TLN2: variants seen among roughly 807,000 people sequenced by gnomAD.
TLN2 encodes talin-2.
Under a neutral mutation model 294.7 loss-of-function variants are expected in TLN2, and 118 were observed. The observed-to-expected ratio is 0.40, with a 90% confidence interval of 0.34 to 0.47. The LOEUF (loss-of-function observed/expected upper bound fraction) is 0.47, where lower values mean the gene tolerates loss of function less well. TLN2 is among the 20% of genes least tolerant of loss of function. The probability of loss-of-function intolerance (pLI) is 0.84; values close to 1 mark genes in which losing one functional copy is unlikely to be tolerated. For synonymous variants in TLN2, 1,431 were observed against 1,304.5 expected, an observed-to-expected ratio of 1.10 and a Z score of -2.09; for missense variants, 3,083 against 3,282.2, an observed-to-expected ratio of 0.94 and a Z score of 1.48.
At position 62,647,206 on chromosome 15, in the gene TLN2, T is replaced by C. The variant is rs1026932149; in HGVS notation, c.-36-69T>C. The C allele has an allele frequency of 6.3e-6, 9 of 1,431,910 alleles. No homozygotes were observed. In the African/African-American group the frequency reaches 1.3e-4, roughly 20 times the overall value. The allele number at this position is 1,431,910 out of a possible 1,614,324, so 88.7% of individuals were successfully genotyped here. On this transcript the variant is annotated intron_variant, in intron 3 of 58. Coordinates refer to ENST00000636159, the MANE Select transcript of TLN2 (RefSeq NM_015059.3). ...AGTTGATTTTAAAGTCCAGCACTTT[T>C]TTTGTTTTTTTTTCCCCAAGACAAA...
At chr15:62,400,812 G>GT (rs11369905) in intron 1 of TLN2, among the ~76,000 whole-genome samples, 26,720 of 119,446 alleles carry the variant, frequency 0.22, 3,459 homozygotes, top group Admixed American at 0.29. Context: ...TATGTTTCCG[G>GT]TTTTTTTTTT....
rs5813167 is a variant in TLN2 at position 62,720,648 on chromosome 15, G to GGTGTGTGTGTGT, written c.2991+791_2991+802dup. 1.2e-3 allele frequency among the ~76,000 whole-genome samples: 184 copies of GGTGTGTGTGTGT among 149,198 alleles called. 1 individual carries two copies. Among genetic ancestry groups the GGTGTGTGTGTGT allele is most frequent in the South Asian group, 5.4e-3 (25 of 4,630 alleles). On this transcript the variant is annotated intron_variant, in intron 25 of 58. Coordinates refer to ENST00000636159, the MANE Select transcript of TLN2 (RefSeq NM_015059.3). ...TTTAACTACATACATATACAACACAGGTGTGTGTGTGTGTGTGTGTGTGTG... is the reference window on the plus strand; with the variant it reads ...TTTAACTACATACATATACAACACAGGTGTGTGTGTGTGTGTGTGTGTGTGTGTGTGTGTGTG...
intron 7 of TLN2, 31 bp downstream of exon 7, chr15:62,653,345 A>G: frequency 6.3e-7 from 1 of 1,587,542 alleles, no homozygotes; most frequent in East Asian, 2.3e-5. Flanking sequence ...CATGATACAG[A>G]CACACAGGCT....
chr15:62,589,602 G>A (rs2045926725), intron 1 of TLN2, 85 bp from the exon 2 acceptor site: 1 of 152,180 alleles, frequency 6.6e-6, no homozygotes, highest in African/African-American at 2.4e-5. Flanking sequence ...TTCATGCTTA[G>A]TGTGGGGGAA....
At chr15:62,624,671 A>C (rs921377010) in intron 3 of TLN2, among the ~76,000 whole-genome samples, 3 of 152,214 alleles carry the variant, frequency 2.0e-5, no homozygotes, top group Admixed American at 6.5e-5. Flanking sequence ...AAAGCACTGG[A>C]GTGCTGAGTT....
rs949878810 is a variant in TLN2 at position 62,755,366 on chromosome 15, G to A, written c.4477-166G>A. The A allele has an allele frequency of 2.6e-5, 19 of 744,226 alleles. No individual in the cohort carries two copies. In the Admixed American group the frequency reaches 4.7e-4, roughly 18 times the overall value. 46.1% of individuals were successfully genotyped at this position (744,226 alleles called of 1,614,324 possible). ...TTATTATCTGTGCTTAAGATTTCTT[G>A]CCCTCCTCTTTCTTGGAGTGACTTT... On this transcript the variant is annotated intron_variant, in intron 36 of 58. Coordinates refer to ENST00000636159, the MANE Select transcript of TLN2 (RefSeq NM_015059.3).
chr15:62,467,888 C>G (rs1049943469), intron 1 of TLN2, among the ~76,000 whole-genome samples: 1 of 152,130 alleles, frequency 6.6e-6, no homozygotes, highest in Non-Finnish European at 1.5e-5. Flanking sequence ...CCTGCGGGGC[C>G]AGATCTCCAA....
chr15:62,713,712 A>G (rs2059576457), intron 22 of TLN2, among the ~76,000 whole-genome samples: 3 of 151,994 alleles, frequency 2.0e-5, no homozygotes. Flanking sequence ...ATAGTGAGCC[A>G]TGTAGAGGAC....
At chr15:62,738,888 A>T (rs1466796059) in intron 30 of TLN2, among the ~76,000 whole-genome samples, 1 of 152,266 alleles carries the variant, frequency 6.6e-6, no homozygotes, top group Non-Finnish European at 1.5e-5. Flanking sequence ...AAAAGTTATT[A>T]GCAAAGGCCA....
chr15:62,574,750 C>A (rs1324448021), intron 1 of TLN2, among the ~76,000 whole-genome samples: 1 of 151,980 alleles, frequency 6.6e-6, no homozygotes, highest in Non-Finnish European at 1.5e-5. Context: ...GACCCATCAA[C>A]ACTGTATTAT....
intron 1 of TLN2, among the ~76,000 whole-genome samples, chr15:62,518,198 C>A (rs1451625597): frequency 1.3e-5 from 2 of 152,170 alleles, no homozygotes; most frequent in African/African-American, 2.4e-5. Flanking sequence ...GTCACCACGT[C>A]CCGCTAGTTT....
intron 1 of TLN2, among the ~76,000 whole-genome samples, chr15:62,562,043 G>A (rs1018962767): frequency 3.9e-5 from 6 of 151,938 alleles, no homozygotes; most frequent in East Asian, 3.9e-4. Flanking sequence ...TAAGCTCCTC[G>A]AAGTCTAGAA....
intron 54 of TLN2, chr15:62,833,264 C>G (rs75982915): frequency 0.066 from 32,427 of 489,214 alleles, 1,974 homozygotes; most frequent in South Asian, 0.18. Flanking sequence ...AAGGTACCAG[C>G]CACATCTTCC....
At chr15:62,542,765 G>A (rs1567076816) in intron 1 of TLN2, among the ~76,000 whole-genome samples, 1 of 151,984 alleles carries the variant, frequency 6.6e-6, no homozygotes, top group Non-Finnish European at 1.5e-5. Flanking sequence ...ATGTATGTGG[G>A]CCTCACCATC....
chr15:62,709,654 C>A (rs887849126), intron 21 of TLN2, among the ~76,000 whole-genome samples: 2 of 152,208 alleles, frequency 1.3e-5, no homozygotes, highest in African/African-American at 4.8e-5. Context: ...CCAAACCCAG[C>A]TTACCACTGT....
intron 3 of TLN2, among the ~76,000 whole-genome samples, chr15:62,626,859 A>G (rs1185372950): frequency 1.3e-5 from 2 of 152,256 alleles, no homozygotes; most frequent in Non-Finnish European, 2.9e-5. Context: ...AAGATGGCAT[A>G]AATTGTGTTT....
chr15:62,694,474 C>G (rs1346338646), intron 14 of TLN2, 82 bp downstream of exon 14: 4 of 1,138,726 alleles, frequency 3.5e-6, no homozygotes, highest in Non-Finnish European at 5.3e-6. Flanking sequence ...GCCTGCTGCT[C>G]TGAAGCCTGT....
chr15:62,525,245 C>T (rs377188426), intron 1 of TLN2, among the ~76,000 whole-genome samples: 4 of 152,180 alleles, frequency 2.6e-5, no homozygotes, highest in African/African-American at 9.7e-5. Context: ...AGGCCATCCA[C>T]GTGTCCTCAG....
intron 25 of TLN2, among the ~76,000 whole-genome samples, chr15:62,720,681 G>A (rs1400887208): frequency 7.2e-6 from 1 of 138,408 alleles, no homozygotes; most frequent in Admixed American, 7.4e-5. Flanking sequence ...GTGTGTGTGT[G>A]TATTCTTTTA....
Sources: allele counts gnomAD v4.1 joint callset (sites outside exome capture counted in the v4.1 genomes callset), GRCh38; gene constraint gnomAD v4.1.1; transcripts MANE v1.5; gene names NCBI Gene and HGNC (gene_info 2026-07-23, HGNC 2026-07-21).